Variants in ATF7 observed in about 807,000 individuals in gnomAD.
ATF7 encodes the protein activating transcription factor 7, also known as cyclic AMP-dependent transcription factor ATF-7.
ATF7 carries 10 observed loss-of-function variants against 50.4 expected under a neutral mutation model. That is an observed-to-expected ratio of 0.20 (90% confidence interval 0.12 to 0.34). The LOEUF is 0.34. ATF7 is among the 10% of genes least tolerant of loss of function. ATF7 has a pLI of 1.00. For synonymous variants in ATF7, 201 were observed against 226.4 expected (o/e 0.89, Z 1.01); for missense variants, 465 against 613.9 (o/e 0.76, Z 2.56).
At chr12:53,532,652 A>AT in intron 7 of ATF7, 29 bp from the exon 8 acceptor site, 1 of 1,410,340 alleles carries the variant, frequency 7.1e-7, no homozygotes. Context: ...AAAAAAAAAA[A>AT]GAGAAGGGAA....
At position 53,543,520 on chromosome 12, in the gene ATF7, T is replaced by C. The variant is rs998407462; in HGVS notation, c.146-72A>G. On this transcript the variant is annotated intron_variant, in intron 3 of 11. Transcript: ENST00000420353. ...TTAAAACTTGATATTAAATAGTATA[T>C]AGAGAATGCATTTGTACTTTTTGAT... 2.9e-6 allele frequency: 4 copies of C among 1,395,780 alleles called. No individual in the cohort carries two copies. The South Asian group carries it at 4.1e-5, about 14-fold the overall frequency. The allele number at this position is 1,395,780 out of a possible 1,614,324, so 86.5% of individuals were successfully genotyped here. A position where few individuals can be genotyped will look rare whatever the true frequency, so the allele number is the denominator to read the frequency against.
chr12:53,521,467 T>C (rs1223248940), intron 11 of ATF7, among the ~76,000 whole-genome samples: 1 of 152,192 alleles, frequency 6.6e-6, no homozygotes, highest in Non-Finnish European at 1.5e-5. Flanking sequence ...TGTTCCTAGA[T>C]GTACCAGGTA....
chr12:53,523,293 T>C lies in ATF7; in HGVS notation c.1217A>G (p.Lys406Arg). 1.2e-6 allele frequency: 2 copies of C among 1,612,910 alleles called. No individual in the cohort carries two copies. The highest frequency in any genetic ancestry group is 1.7e-6 in the Non-Finnish European group (2 of 1,179,024). ...CCACTCACCTAAATAGCCTTGAGTCTTTTTCTGTAGTGCAGTGACTGGGCA... is the reference window on the plus strand; with the variant it reads ...CCACTCACCTAAATAGCCTTGAGTCCTTTTCTGTAGTGCAGTGACTGGGCA... ...KDCPVTALQK[K>R]TQGYLESPKE... Residue 406 changes from lysine (K) to arginine (R), a missense_variant, in exon 11 of 12, where the codon AAG becomes AGG. Transcript: ENST00000420353.
chr12:53,578,048 G>C (rs75845959), intron 2 of ATF7, among the ~76,000 whole-genome samples: 1 of 152,064 alleles, frequency 6.6e-6, no homozygotes. Context: ...CAGTCAAAGA[G>C]AGAAAACCCT....
intron 11 of ATF7, among the ~76,000 whole-genome samples, chr12:53,518,897 C>A (rs1181474270): frequency 1.2e-4 from 18 of 149,048 alleles, no homozygotes; most frequent in Middle Eastern, 3.5e-3. Flanking sequence ...AAAAAAAAAA[C>A]CAAAAAATTA....
At chr12:53,571,638 T>TAA (rs753773388) in intron 2 of ATF7, among the ~76,000 whole-genome samples, 8 of 135,738 alleles carry the variant, frequency 5.9e-5, no homozygotes, top group South Asian at 2.3e-4. Context: ...TCCATCTCTT[T>TAA]AAAAAAAAAA....
chr12:53,560,345 C>T (rs988014659), intron 2 of ATF7, among the ~76,000 whole-genome samples: 30 of 152,196 alleles, frequency 2.0e-4, no homozygotes, highest in African/African-American at 7.2e-4. Flanking sequence ...TTCCTAACCT[C>T]ATTTAACCTA....
intron 9 of ATF7, among the ~76,000 whole-genome samples, chr12:53,526,115 C>T (rs376228922): frequency 3.3e-5 from 5 of 149,974 alleles, no homozygotes; most frequent in African/African-American, 1.2e-4. Context: ...GAGGCTGAGG[C>T]AGGAGAATTG....
intron 2 of ATF7, among the ~76,000 whole-genome samples, chr12:53,571,096 CA>C (rs1241177017): frequency 6.6e-6 from 1 of 151,932 alleles, no homozygotes; most frequent in Non-Finnish European, 1.5e-5. Flanking sequence ...AAGACAGCAG[CA>C]AAGGGAGATT....
At chr12:53,596,219 GAA>G (rs1360015128) in intron 2 of ATF7, among the ~76,000 whole-genome samples, 1 of 152,152 alleles carries the variant, frequency 6.6e-6, no homozygotes, top group Non-Finnish European at 1.5e-5. Context: ...AGAATCACTT[GAA>G]CCCAGGAGGT....
At chr12:53,552,263 TAGAA>T (rs1940412583) in intron 3 of ATF7, among the ~76,000 whole-genome samples, 1 of 151,772 alleles carries the variant, frequency 6.6e-6, no homozygotes, top group Non-Finnish European at 1.5e-5. Flanking sequence ...TCTTAATAAA[TAGAA>T]AGAAAGACGG....
intron 9 of ATF7, among the ~76,000 whole-genome samples, chr12:53,527,612 C>T (rs1187763190): frequency 6.6e-6 from 1 of 152,054 alleles, no homozygotes; most frequent in Non-Finnish European, 1.5e-5. Flanking sequence ...GGTGAAATCC[C>T]ACCTCTACTA....
intron 2 of ATF7, among the ~76,000 whole-genome samples, chr12:53,566,294 A>G (rs1334199778): frequency 1.3e-5 from 2 of 152,212 alleles, no homozygotes; most frequent in Non-Finnish European, 2.9e-5. Context: ...AGAGTAAGGC[A>G]GTGAAAGGGA....
At chr12:53,519,127 G>A (rs1937931219) in intron 11 of ATF7, among the ~76,000 whole-genome samples, 1 of 151,450 alleles carries the variant, frequency 6.6e-6, no homozygotes, top group Non-Finnish European at 1.5e-5. Context: ...TACATTAACT[G>A]TTTTATTCTT....
At chr12:53,547,753 ATG>A (rs1555218639) in intron 3 of ATF7, among the ~76,000 whole-genome samples, 1 of 62,168 alleles carries the variant, frequency 1.6e-5, no homozygotes, top group Non-Finnish European at 3.3e-5. Flanking sequence ...AATTTTATGT[ATG>A]TATGTATGTA....
chr12:53,566,793 G>A (rs1414717632), intron 2 of ATF7, among the ~76,000 whole-genome samples: 2 of 151,964 alleles, frequency 1.3e-5, no homozygotes, highest in Admixed American at 1.3e-4. Flanking sequence ...TTGCTCTCTT[G>A]CCCAGGCTGC....
chr12:53,517,088 C>T lies in ATF7; in HGVS notation c.*49G>A. On this transcript the variant is annotated 3_prime_UTR_variant, in exon 12 of 12. Transcript: ENST00000420353. ...GGGGATAAGATGACATCTCTCTTGG[C>T]TCTTGGGCGGGCGAGCTCTGGCTGA... 1 of 1,588,396 alleles carries T rather than the reference C, an allele frequency of 6.3e-7. No homozygotes were observed. The highest frequency in any genetic ancestry group is 1.1e-5 in the South Asian group (1 of 90,688).
chr12:53,569,401 A>T (rs1441198543), intron 2 of ATF7, among the ~76,000 whole-genome samples: 1 of 152,172 alleles, frequency 6.6e-6, no homozygotes, highest in African/African-American at 2.4e-5. Flanking sequence ...ATTCTCTTAT[A>T]TGTGGAATGT....
intron 2 of ATF7, among the ~76,000 whole-genome samples, chr12:53,585,526 T>TA (rs1360404170): frequency 1.3e-5 from 2 of 151,470 alleles, no homozygotes; most frequent in Non-Finnish European, 2.9e-5. Flanking sequence ...TTTCTTAATT[T>TA]AAAAAAAAGC....
Sources: allele counts gnomAD v4.1 joint callset (sites outside exome capture counted in the v4.1 genomes callset), GRCh38; gene constraint gnomAD v4.1.1; transcripts MANE v1.5; gene names NCBI Gene and HGNC (gene_info 2026-07-23, HGNC 2026-07-21).